The following TMPRSS11A variants were observed in gnomAD, a reference collection of about 807,000 sequenced individuals.
The protein encoded by TMPRSS11A is transmembrane protease serine 11A.
In TMPRSS11A, 53 loss-of-function variants were observed where a neutral mutation model predicts 58.9. The observed-to-expected ratio is 0.90, with a 90% confidence interval of 0.72 to 1.13. TMPRSS11A has a LOEUF of 1.13. Ranked by LOEUF, TMPRSS11A falls within the 50% of genes most tolerant of loss-of-function variation. The probability of loss-of-function intolerance (pLI) is 0.00; values close to 1 mark genes in which losing one functional copy is unlikely to be tolerated. For missense variants in TMPRSS11A, 493 were observed against 499.3 expected (o/e 0.99, Z 0.12); for synonymous variants, 167 against 169.8 (o/e 0.98, Z 0.13).
chr4:67,919,607 GA>G (rs1720264459), intron 7 of TMPRSS11A, among the ~76,000 whole-genome samples: 1 of 152,134 alleles, frequency 6.6e-6, no homozygotes, highest in African/African-American at 2.4e-5. Flanking sequence ...AGATTCCAGA[GA>G]AGGAAAAGGA....
chr4:67,942,169 A>G (rs1720896816), intron 3 of TMPRSS11A, among the ~76,000 whole-genome samples: 1 of 152,246 alleles, frequency 6.6e-6, no homozygotes, highest in African/African-American at 2.4e-5. Flanking sequence ...AATCACAAAT[A>G]AAATACTACT....
Position 67,930,029 on chromosome 4 carries a change from T to G in TMPRSS11A, c.332A>C (p.Asp111Ala), listed in dbSNP as rs1560567069. ...CATAATGACATCTACTTTCACACCA[T>G]CTTCCTCTGGACTGTGACACACAAA... ...NQVVRLTPEEDGVKVDVIMVF... is the reference protein window; with the variant it reads ...NQVVRLTPEEAGVKVDVIMVF... The change falls in exon 5 of 10, where the codon GAT becomes GCT. Residue 111 changes from aspartate to alanine, a missense_variant. Transcript: ENST00000508048. The G allele has an allele frequency of 3.1e-6, 5 of 1,611,862 alleles. No homozygotes were observed. The highest frequency in any genetic ancestry group is 3.3e-5 in the Admixed American group (2 of 59,792).
intron 1 of TMPRSS11A, among the ~76,000 whole-genome samples, chr4:67,956,840 TC>T (rs1330726645): frequency 1.3e-5 from 2 of 152,160 alleles, no homozygotes; most frequent in Non-Finnish European, 2.9e-5. Context: ...TTTGGCTCTG[TC>T]CCCACCCATA....
At chr4:67,960,437 T>C (rs1280876043) in intron 1 of TMPRSS11A, among the ~76,000 whole-genome samples, 1 of 152,152 alleles carries the variant, frequency 6.6e-6, no homozygotes, top group Admixed American at 6.5e-5. Context: ...CTTACTAGCT[T>C]GTGATATTGG....
intron 1 of TMPRSS11A, among the ~76,000 whole-genome samples, chr4:67,954,279 T>C (rs1266388289): frequency 2.0e-5 from 3 of 152,182 alleles, no homozygotes; most frequent in Non-Finnish European, 4.4e-5. Context: ...CTTTCCTGGG[T>C]TCCCCATGGA....
chr4:67,914,554 G>C, intron 9 of TMPRSS11A, 34 bp downstream of exon 9: 1 of 1,596,400 alleles, frequency 6.3e-7, no homozygotes, highest in African/African-American at 1.3e-5. Context: ...ACAAATTTTT[G>C]AGTTAGTAAT....
chr4:67,916,564 C>A (rs1463086219), intron 8 of TMPRSS11A, among the ~76,000 whole-genome samples: 1 of 152,092 alleles, frequency 6.6e-6, no homozygotes, highest in Non-Finnish European at 1.5e-5. Flanking sequence ...CGGTGGCTCA[C>A]GCCTGTAATC....
At chr4:67,922,727 G>A in intron 7 of TMPRSS11A, 28 bp downstream of exon 7, 5 of 1,585,718 alleles carry the variant, frequency 3.2e-6, no homozygotes, top group Non-Finnish European at 3.4e-6. Context: ...TAGCAGAAGT[G>A]GGTTCTAACT....
In TMPRSS11A at chr4:67,923,081, A is replaced by G. The variant is rs141859194; in HGVS notation, c.521-155T>C. ...CTGGATTCATGGCCTCTTCTCTCTC[A>G]CATTTCAGGGTTCACTTTCTTACTG... On this transcript the variant is annotated intron_variant, in intron 6 of 9. Coordinates refer to ENST00000508048, the MANE Select transcript of TMPRSS11A (RefSeq NM_001114387.2). Among the ~76,000 whole-genome samples, 345 of 152,254 alleles carry G rather than the reference A, an allele frequency of 2.3e-3. 3 individuals carry two copies. Among genetic ancestry groups the G allele is most frequent in the South Asian group, 9.6e-3 (46 of 4,816 alleles).
chr4:67,959,283 A>G (rs907366221), intron 1 of TMPRSS11A, among the ~76,000 whole-genome samples: 2 of 151,084 alleles, frequency 1.3e-5, no homozygotes, highest in African/African-American at 4.8e-5. Context: ...AACCTTCTTA[A>G]CATCAACCCT....
At chr4:67,960,537 T>C (rs1721397757) in intron 1 of TMPRSS11A, among the ~76,000 whole-genome samples, 1 of 152,174 alleles carries the variant, frequency 6.6e-6, no homozygotes, top group Admixed American at 6.5e-5. Flanking sequence ...ATGTAATATG[T>C]ATATTATAGT....
intron 1 of TMPRSS11A, among the ~76,000 whole-genome samples, chr4:67,947,355 C>A (rs947371909): frequency 5.9e-5 from 9 of 152,088 alleles, no homozygotes; most frequent in Admixed American, 2.6e-4. Flanking sequence ...GTTTGTTATG[C>A]CTTTTTAATC....
intron 4 of TMPRSS11A, among the ~76,000 whole-genome samples, chr4:67,931,095 A>G (rs1015755767): frequency 2.6e-5 from 4 of 152,102 alleles, no homozygotes; most frequent in Non-Finnish European, 5.9e-5. Context: ...TGTTGCTACA[A>G]TAATATGGTA....
chr4:67,928,956 A>G (rs1046548104), intron 5 of TMPRSS11A, among the ~76,000 whole-genome samples: 1 of 152,258 alleles, frequency 6.6e-6, no homozygotes, highest in African/African-American at 2.4e-5. Flanking sequence ...GAGGGTAAAC[A>G]AGTTTCTCTC....
intron 1 of TMPRSS11A, among the ~76,000 whole-genome samples, chr4:67,954,897 A>C (rs1721248109): frequency 6.6e-6 from 1 of 152,246 alleles, no homozygotes; most frequent in South Asian, 2.1e-4. Context: ...ATGAAGATTA[A>C]ATGCATGAAT....
chr4:67,960,787 A>G (rs1236037101), intron 1 of TMPRSS11A, among the ~76,000 whole-genome samples: 1 of 152,214 alleles, frequency 6.6e-6, no homozygotes, highest in Non-Finnish European at 1.5e-5. Context: ...AAAGCATACA[A>G]AGGACCTGCC....
chr4:67,953,350 G>GT (rs200598351), intron 1 of TMPRSS11A, among the ~76,000 whole-genome samples: 2,106 of 152,050 alleles, frequency 0.014, 53 homozygotes, highest in African/African-American at 0.047. Context: ...GCTTTTCTTA[G>GT]TTTTTTTTAA....
intron 8 of TMPRSS11A, among the ~76,000 whole-genome samples, chr4:67,917,994 A>G (rs561966192): frequency 1.3e-5 from 2 of 152,330 alleles, no homozygotes; most frequent in South Asian, 4.1e-4. Flanking sequence ...ACAAAACCAC[A>G]TGGGACATCT....
At chr4:67,933,015 C>T (rs1720666541) in intron 3 of TMPRSS11A, among the ~76,000 whole-genome samples, 1 of 151,850 alleles carries the variant, frequency 6.6e-6, no homozygotes, top group South Asian at 2.1e-4. Context: ...TAAGGTACTA[C>T]AGTTCATGTT....
Sources: gnomAD v4.1 joint callset for allele counts (sites outside exome capture counted in the v4.1 genomes callset) on GRCh38, gnomAD v4.1.1 for gene constraint, MANE v1.5 for transcripts, NCBI Gene and HGNC (gene_info 2026-07-23, HGNC 2026-07-21) for gene names.